MYO16: variants seen among roughly 807,000 people sequenced by gnomAD.
The protein encoded by MYO16 is unconventional myosin-XVI.
A neutral mutation model predicts 205.3 loss-of-function variants in MYO16; 94 were observed. The ratio of observed to expected loss-of-function variants is 0.46; its 90% CI spans 0.39 to 0.54. The LOEUF (loss-of-function observed/expected upper bound fraction) is 0.54. Ranked by LOEUF, MYO16 falls within the 20% of genes least tolerant of loss-of-function variation. The probability of loss-of-function intolerance (pLI) is 0.00; values close to 1 mark genes in which losing one functional copy is unlikely to be tolerated. For missense variants in MYO16, 2,315 were observed against 2,387.5 expected, an observed-to-expected ratio of 0.97 and a Z score of 0.63; for synonymous variants, 988 against 954.0, an observed-to-expected ratio of 1.04 and a Z score of -0.66.
intron 18 of MYO16, 135 bp downstream of exon 18, chr13:108,961,791 G>T: frequency 1.5e-6 from 1 of 668,650 alleles, no homozygotes; most frequent in South Asian, 1.9e-5. Flanking sequence ...AGTGAGGGGG[G>T]GAAATTGTCT....
chr13:109,140,695 G>C lies in MYO16; in HGVS notation c.4483G>C (p.Gly1495Arg). 7 of 1,482,980 alleles carry C rather than the reference G, an allele frequency of 4.7e-6. No homozygotes were observed. The highest frequency in any genetic ancestry group is 6.3e-6 in the Non-Finnish European group (7 of 1,118,944). 91.9% of individuals were successfully genotyped at this position (1,482,980 alleles called of 1,614,324 possible). ...GGAGGACGAGGCGGCGGGGCCCCCA[G>C]GGGACGCGTGCGACATCCCGCCGCC... ...APEDEAAGPPGDACDIPPPFP... is the reference protein window; with the variant it reads ...APEDEAAGPPRDACDIPPPFP... The change falls in exon 32 of 35, where the codon GGG (glycine) becomes CGG (arginine). Residue 1495 changes from glycine to arginine, a missense_variant. Coordinates refer to ENST00000457511, the MANE Select transcript of MYO16 (RefSeq NM_001198950.3). The surrounding 1 kb of genome is among the most constrained non-coding windows in gnomAD (Gnocchi z 8.0).
chr13:108,790,890 T>G (rs1052646239), intron 5 of MYO16, among the ~76,000 whole-genome samples: 6 of 152,220 alleles, frequency 3.9e-5, no homozygotes, highest in Non-Finnish European at 7.4e-5. Context: ...TTACTTGTTT[T>G]TAATCTTGTT....
intron 1 of MYO16, among the ~76,000 whole-genome samples, chr13:108,650,765 C>T (rs762458821): frequency 1.4e-4 from 22 of 152,216 alleles, no homozygotes; most frequent in Admixed American, 3.3e-4. Flanking sequence ...ATCTTGAAGA[C>T]GCTCAGTAGT....
intron 12 of MYO16, among the ~76,000 whole-genome samples, chr13:108,882,621 A>T (rs1879672357): frequency 6.6e-6 from 1 of 152,184 alleles, no homozygotes; most frequent in Non-Finnish European, 1.5e-5. Flanking sequence ...TTTTCTGAGA[A>T]ATTTGTAAAC....
chr13:108,660,701 T>C (rs1195750602), intron 1 of MYO16, among the ~76,000 whole-genome samples: 1 of 152,190 alleles, frequency 6.6e-6, no homozygotes, highest in Admixed American at 6.5e-5. Context: ...AGGCAGCAGA[T>C]AGCTGGTTGG....
At chr13:109,123,303 A>G (rs2139766578) in intron 29 of MYO16, among the ~76,000 whole-genome samples, 1 of 152,362 alleles carries the variant, frequency 6.6e-6, no homozygotes, top group Middle Eastern at 3.4e-3. Flanking sequence ...ACTCCGGGTG[A>G]AAGTGAATCC....
chr13:108,814,669 A>G (rs1224654436), intron 7 of MYO16, among the ~76,000 whole-genome samples: 1 of 152,218 alleles, frequency 6.6e-6, no homozygotes, highest in Non-Finnish European at 1.5e-5. Flanking sequence ...AATAAGTACT[A>G]TTGAAATAAT....
At chr13:108,753,328 C>T (rs1430422075) in intron 4 of MYO16, among the ~76,000 whole-genome samples, 2 of 138,336 alleles carry the variant, frequency 1.4e-5, no homozygotes, top group South Asian at 2.2e-4. Context: ...CAAGATTGTT[C>T]CACTGCACTC....
chr13:109,056,171 A>G (rs1887413640), intron 27 of MYO16: 1 of 153,500 alleles, frequency 6.5e-6, no homozygotes, highest in Non-Finnish European at 1.4e-5. Flanking sequence ...TTAGAACAGA[A>G]GTTTGTTGAC....
intron 15 of MYO16, among the ~76,000 whole-genome samples, chr13:108,903,763 A>G (rs544769125): frequency 1.0e-3 from 154 of 152,302 alleles, no homozygotes; most frequent in Non-Finnish European, 8.7e-4. Flanking sequence ...CATTAACTTT[A>G]ACTACTTAAC....
chr13:108,685,342 G>C (rs912469273), intron 2 of MYO16, among the ~76,000 whole-genome samples: 3 of 152,132 alleles, frequency 2.0e-5, no homozygotes, highest in African/African-American at 7.2e-5. Flanking sequence ...TTTGTAGCTG[G>C]TTGGTCAGAA....
At chr13:108,589,840 C>A in the MYO16 span, among the ~76,000 whole-genome samples, 4 of 152,130 alleles carry the variant, frequency 2.6e-5, no homozygotes, top group African/African-American at 9.7e-5. Flanking sequence ...GTTCGATTTT[C>A]TAGTTCCTTC....
At position 108,983,611 on chromosome 13, in the gene MYO16, C is replaced by T. The variant is rs536208885; in HGVS notation, c.2370-8765C>T. On this transcript the variant is annotated intron_variant, in intron 20 of 34. Transcript: ENST00000457511. ...TGGAGCCCAAAATGCTATGTGCCTT[C>T]GGAGACTGCTGCTTTCTGTGAGCGG... Among the ~76,000 whole-genome samples the T allele has an allele frequency of 8.5e-5, 13 of 152,278 alleles. No individual in the cohort carries two copies. In the South Asian group the frequency reaches 1.0e-3, roughly 12 times the overall value.
chr13:108,972,358 A>ATATATATATATAGCCATC (rs1884075819), intron 20 of MYO16, among the ~76,000 whole-genome samples: 1 of 23,430 alleles, frequency 4.3e-5, no homozygotes, highest in African/African-American at 2.9e-4. Context: ...AGCCATATAT[A>ATATATATATATAGCCATC]TATATATATA....
chr13:109,011,037 C>T (rs1299608979), intron 22 of MYO16, among the ~76,000 whole-genome samples: 1 of 149,622 alleles, frequency 6.7e-6, no homozygotes, highest in African/African-American at 2.5e-5. Flanking sequence ...CTCTGAGCTT[C>T]TTGCAGTGTA....
At chr13:108,798,355 G>A (rs1475653350) in intron 6 of MYO16, among the ~76,000 whole-genome samples, 1 of 152,098 alleles carries the variant, frequency 6.6e-6, no homozygotes, top group Non-Finnish European at 1.5e-5. Context: ...ACAACAAAAG[G>A]CTCAATGGGA....
intron 5 of MYO16, among the ~76,000 whole-genome samples, chr13:108,786,952 G>C (rs1333278036): frequency 3.9e-5 from 6 of 152,190 alleles, no homozygotes; most frequent in Non-Finnish European, 1.5e-5. Flanking sequence ...ACTTCTAAAG[G>C]GAATGAAGCT....
rs12864263 is a variant in MYO16, at chr13:108,953,364, T to G, written c.1926-4324T>G. Among the ~76,000 whole-genome samples the G allele has an allele frequency of 8.0e-3, 1,223 of 152,354 alleles. 11 individuals carry two copies. Among genetic ancestry groups the G allele is most frequent in the Non-Finnish European group, 0.012 (820 of 68,044 alleles). ...CAGAGTACATTGACTAAAAGTTGCC[T>G]GCATAGGCAAGATGTAGTCATTCTG... On this transcript the variant is annotated intron_variant, in intron 16 of 34. Coordinates refer to ENST00000457511, the MANE Select transcript of MYO16 (RefSeq NM_001198950.3).
At chr13:108,662,221 G>T (rs995806406) in intron 1 of MYO16, among the ~76,000 whole-genome samples, 2 of 152,168 alleles carry the variant, frequency 1.3e-5, no homozygotes, top group Non-Finnish European at 2.9e-5. Context: ...AAGTGTCCTT[G>T]GCTTTGGTGG....
Sources: allele counts gnomAD v4.1 joint callset (sites outside exome capture counted in the v4.1 genomes callset), GRCh38; gene constraint gnomAD v4.1.1; non-coding constraint Gnocchi (gnomAD v3.1); transcripts MANE v1.5; gene names NCBI Gene and HGNC (gene_info 2026-07-23, HGNC 2026-07-21).